PDIA5: variants seen among roughly 807,000 people sequenced by gnomAD.
PDIA5 encodes the protein protein disulfide isomerase family A member 5, also known as protein disulfide-isomerase A5.
Under a neutral mutation model 77.6 loss-of-function variants are expected in PDIA5, and 58 were observed. The ratio of observed to expected loss-of-function variants is 0.75; its 90% CI spans 0.61 to 0.93. The LOEUF is 0.93. Among genes scored for constraint, PDIA5 ranks in the 40% least tolerant of loss-of-function variants. The pLI, the probability that PDIA5 is intolerant of heterozygous loss-of-function variation, is 0.00. For missense variants in PDIA5, 630 were observed against 647.7 expected, an observed-to-expected ratio of 0.97 and a Z score of 0.30; for synonymous variants, 250 against 252.1, an observed-to-expected ratio of 0.99 and a Z score of 0.08.
intron 1 of PDIA5, among the ~76,000 whole-genome samples, chr3:123,068,276 G>A (rs1402813331): frequency 1.3e-5 from 2 of 152,224 alleles, no homozygotes; most frequent in Admixed American, 1.3e-4. Flanking sequence ...CAAATGGGAG[G>A]AGAAAAGTGT....
intron 3 of PDIA5, among the ~76,000 whole-genome samples, chr3:123,099,766 G>C (rs968024736): frequency 8.5e-5 from 13 of 152,236 alleles, no homozygotes; most frequent in Non-Finnish European, 1.3e-4. Context: ...TTCCATGGAG[G>C]GGTTTCCCAC....
At chr3:123,087,337 A>G (rs971517225) in intron 1 of PDIA5, among the ~76,000 whole-genome samples, 3 of 149,038 alleles carry the variant, frequency 2.0e-5, no homozygotes, top group African/African-American at 7.5e-5. Context: ...TTGATAATTG[A>G]TTTTCCTCTT....
chr3:123,160,372 C>G (rs894370790), intron 15 of PDIA5, among the ~76,000 whole-genome samples: 1 of 152,226 alleles, frequency 6.6e-6, no homozygotes, highest in Non-Finnish European at 1.5e-5. Flanking sequence ...GTGGAATTTG[C>G]TAGATGGTCA....
intron 13 of PDIA5, among the ~76,000 whole-genome samples, chr3:123,148,467 T>C (rs897332444): frequency 6.6e-6 from 1 of 151,758 alleles, no homozygotes; most frequent in Non-Finnish European, 1.5e-5. Flanking sequence ...ACTTTGGGAA[T>C]CTGAGGTGGG....
intron 6 of PDIA5, among the ~76,000 whole-genome samples, chr3:123,107,097 T>G (rs184717677): frequency 1.6e-4 from 24 of 152,378 alleles, no homozygotes; most frequent in Non-Finnish European, 2.8e-4. Context: ...TGAACACGTT[T>G]AGATTTTCCA....
intron 3 of PDIA5, among the ~76,000 whole-genome samples, chr3:123,098,157 G>A (rs148872415): frequency 2.6e-5 from 4 of 152,242 alleles, no homozygotes; most frequent in African/African-American, 9.6e-5. Context: ...ACTTGACCCC[G>A]TAGAGAAATC....
chr3:123,161,531 G>A, intron 16 of PDIA5, 76 bp downstream of exon 16: 1 of 1,466,606 alleles, frequency 6.8e-7, no homozygotes, highest in Non-Finnish European at 9.3e-7. Flanking sequence ...AGGAGGGGCA[G>A]CACTGGGCAG....
intron 6 of PDIA5, 54 bp from the exon 7 acceptor site, chr3:123,110,890 C>T (rs1270910218): frequency 1.4e-6 from 2 of 1,417,166 alleles, no homozygotes; most frequent in Non-Finnish European, 2.0e-6. Flanking sequence ...GAGGGGGTCT[C>T]ATCCTGTTAC....
chr3:123,149,095 G>A (rs1056015322), intron 13 of PDIA5, among the ~76,000 whole-genome samples: 5 of 152,228 alleles, frequency 3.3e-5, no homozygotes, highest in Admixed American at 1.3e-4. Context: ...AGGAAGGCTG[G>A]GAGGGGCCCG....
chr3:123,101,531 T>G (rs1934597025), intron 3 of PDIA5, among the ~76,000 whole-genome samples: 1 of 152,150 alleles, frequency 6.6e-6, no homozygotes, highest in Non-Finnish European at 1.5e-5. Flanking sequence ...CCTTTCTCCT[T>G]TTGTCTTTTG....
At chr3:123,102,844 G>A (rs545730798) in intron 5 of PDIA5, 48 bp downstream of exon 5, 25 of 1,276,794 alleles carry the variant, frequency 2.0e-5, no homozygotes, top group South Asian at 1.7e-4. Flanking sequence ...CTAAATGGAC[G>A]CCCAAAGTCT....
At chr3:123,096,842 C>T (rs1249331119) in intron 3 of PDIA5, among the ~76,000 whole-genome samples, 1 of 152,228 alleles carries the variant, frequency 6.6e-6, no homozygotes, top group African/African-American at 2.4e-5. Flanking sequence ...CGTGCCCTGC[C>T]AGCTGGGCGC....
intron 11 of PDIA5, among the ~76,000 whole-genome samples, chr3:123,133,394 A>G (rs1385050224): frequency 6.6e-6 from 1 of 152,230 alleles, no homozygotes; most frequent in Non-Finnish European, 1.5e-5. Flanking sequence ...CACAGAAACA[A>G]ATTGGGATCC....
At position 123,146,210 on chromosome 3, in the gene PDIA5, G is replaced by T; in HGVS notation, c.1093G>T (p.Ala365Ser). Residue 365 changes from alanine to serine, a missense_variant, in exon 13 of 17, where the codon GCA (alanine) becomes TCA (serine). By Grantham distance (99) the Ala-to-Ser change is moderately conservative (BLOSUM62 1). Coordinates refer to ENST00000316218, the MANE Select transcript of PDIA5 (RefSeq NM_006810.4). Reference sequence around the variant, plus strand: ...GTATTTTAAGAATGGAGAGAAATACGCAGTGCCTGTGCTCAGGACAAAGAA... The same window carrying T: ...GTATTTTAAGAATGGAGAGAAATACTCAGTGCCTGTGCTCAGGACAAAGAA... Reference protein sequence around the residue: ...LKYFKNGEKYAVPVLRTKKKF... With the variant: ...LKYFKNGEKYSVPVLRTKKKF... The T allele has an allele frequency of 6.2e-7, 1 of 1,613,934 alleles. No homozygotes were observed. Among genetic ancestry groups the T allele is most frequent in the Non-Finnish European group, 8.5e-7 (1 of 1,179,790 alleles).
chr3:123,083,812 A>C (rs775718624), intron 1 of PDIA5, among the ~76,000 whole-genome samples: 5 of 152,182 alleles, frequency 3.3e-5, no homozygotes, highest in Non-Finnish European at 7.3e-5. Flanking sequence ...GCTTGCTGGG[A>C]CTGCATCTTA....
intron 11 of PDIA5, among the ~76,000 whole-genome samples, chr3:123,133,699 T>A (rs542506476): frequency 6.6e-6 from 1 of 152,300 alleles, no homozygotes; most frequent in East Asian, 1.9e-4. Context: ...AAAGGCATAC[T>A]TTCACATTTG....
chr3:123,118,494 A>G (rs1049701999), intron 8 of PDIA5, among the ~76,000 whole-genome samples: 1 of 152,182 alleles, frequency 6.6e-6, no homozygotes, highest in Middle Eastern at 3.4e-3. Context: ...AGAGAACTTG[A>G]TGCCAGTCTC....
chr3:123,127,388 CTT>C (rs1274960136), intron 10 of PDIA5, among the ~76,000 whole-genome samples: 2 of 152,176 alleles, frequency 1.3e-5, no homozygotes, highest in Non-Finnish European at 2.9e-5. Flanking sequence ...TTGAATGACT[CTT>C]ATGATTTAGG....
chr3:123,067,471 A>G (rs1026014086), intron 1 of PDIA5: 1 of 385,044 alleles, frequency 2.6e-6, no homozygotes, highest in Non-Finnish European at 4.6e-6. Flanking sequence ...TGCTTACGCC[A>G]CGGCCACAAC....
Sources: allele counts gnomAD v4.1 joint callset (sites outside exome capture counted in the v4.1 genomes callset), GRCh38; gene constraint gnomAD v4.1.1; transcripts MANE v1.5; gene names NCBI Gene and HGNC (gene_info 2026-07-23, HGNC 2026-07-21).